The following TENM2 variants were observed in gnomAD, a reference collection of about 807,000 sequenced individuals.
TENM2 encodes teneurin transmembrane protein 2.
In TENM2, 52 loss-of-function variants were observed where a neutral mutation model predicts 245.2. That is an observed-to-expected ratio of 0.21 (90% CI 0.17 to 0.27). TENM2 has a LOEUF of 0.27. Among genes scored for constraint, TENM2 ranks in the 10% least tolerant of loss-of-function variants. The pLI, the probability that TENM2 is intolerant of heterozygous loss-of-function variation, is 1.00. For missense variants in TENM2, 3,046 were observed against 3,666.8 expected (o/e 0.83, Z 4.37); for synonymous variants, 1,363 against 1,438.9 (o/e 0.95, Z 1.19).
intron 2 of TENM2, among the ~76,000 whole-genome samples, chr5:167,668,214 C>T (rs1349908368): frequency 6.6e-6 from 1 of 152,116 alleles, no homozygotes; most frequent in Non-Finnish European, 1.5e-5. Context: ...AGTTCAAGGT[C>T]ACTGAAGAAA....
chr5:167,131,338 CAGGCCTTTGGCAA>C, the TENM2 span, among the ~76,000 whole-genome samples: 2 of 152,122 alleles, frequency 1.3e-5, no homozygotes, highest in Non-Finnish European at 2.9e-5. Context: ...TAATATGTGC[CAGGCCTTTGGCAA>C]AGTGTTTCCC....
intron 12 of TENM2, among the ~76,000 whole-genome samples, chr5:168,136,613 C>T (rs1342980389): frequency 6.6e-6 from 1 of 152,190 alleles, no homozygotes; most frequent in African/African-American, 2.4e-5. Context: ...GACAAACCTT[C>T]ACTTTTTGCC....
At chr5:167,694,005 G>C (rs1192070750) in intron 2 of TENM2, among the ~76,000 whole-genome samples, 1 of 152,166 alleles carries the variant, frequency 6.6e-6, no homozygotes, top group Non-Finnish European at 1.5e-5. Flanking sequence ...TTGATTGAAT[G>C]CACTTTTCAC....
chr5:167,706,947 G>A (rs1247162983), intron 2 of TENM2, among the ~76,000 whole-genome samples: 3 of 149,724 alleles, frequency 2.0e-5, no homozygotes, highest in African/African-American at 7.4e-5. Flanking sequence ...CCCGGGAGGC[G>A]GAGCTTGCAG....
At chr5:167,156,400 C>A in the TENM2 span, among the ~76,000 whole-genome samples, 1 of 152,156 alleles carries the variant, frequency 6.6e-6, no homozygotes, top group Non-Finnish European at 1.5e-5. Context: ...TCACCTTAAC[C>A]ACACAGGATG....
intron 2 of TENM2, among the ~76,000 whole-genome samples, chr5:167,383,709 A>G (rs571494875): frequency 7.2e-6 from 1 of 139,356 alleles, no homozygotes; most frequent in East Asian, 2.1e-4. Flanking sequence ...TTTGAGCATC[A>G]TGATAAACTG....
chr5:168,216,397 A>G (rs1763201866), intron 21 of TENM2, among the ~76,000 whole-genome samples: 1 of 152,234 alleles, frequency 6.6e-6, no homozygotes, highest in Admixed American at 6.5e-5. Flanking sequence ...GTAACTTACT[A>G]CTAATAATGT....
chr5:167,036,606 A>T, the TENM2 span, among the ~76,000 whole-genome samples: 1 of 151,872 alleles, frequency 6.6e-6, no homozygotes, highest in African/African-American at 2.4e-5. Flanking sequence ...AGATGCAAAT[A>T]CTCCCCTCAC....
intron 7 of TENM2, among the ~76,000 whole-genome samples, chr5:168,082,718 C>T (rs1581247875): frequency 6.6e-6 from 1 of 152,238 alleles, no homozygotes; most frequent in Non-Finnish European, 1.5e-5. Flanking sequence ...TGGAGATCCA[C>T]TCCAGACCCT....
the TENM2 span, among the ~76,000 whole-genome samples, chr5:167,195,343 A>G: frequency 2.0e-5 from 3 of 152,192 alleles, no homozygotes; most frequent in African/African-American, 7.2e-5. Context: ...ACCTAAGGGA[A>G]TGGTTCTTTC....
Position 167,538,291 on chromosome 5 carries a change from A to C in TENM2, c.502+162818A>C, listed in dbSNP as rs372090080. On this transcript the variant is annotated intron_variant, in intron 2 of 28. Coordinates refer to ENST00000518659, the Ensembl canonical transcript of TENM2. ...ATACTTATCCTCTATTTTTGAAATG[A>C]GGTTCAGAATTCAGCTGGAATTACA... Among the ~76,000 whole-genome samples, 13 of 152,238 alleles carry C rather than the reference A, an allele frequency of 8.5e-5. No individual in the cohort carries two copies. The East Asian group carries it at 1.9e-3, about 23-fold the overall frequency.
At chr5:167,502,547 G>T (rs757805245) in intron 2 of TENM2, among the ~76,000 whole-genome samples, 2 of 152,082 alleles carry the variant, frequency 1.3e-5, no homozygotes, top group Non-Finnish European at 2.9e-5. Context: ...TCAAATCTGT[G>T]TTGAGCTCCT....
At chr5:168,151,595 C>T (rs372041596) in intron 12 of TENM2, among the ~76,000 whole-genome samples, 1 of 152,222 alleles carries the variant, frequency 6.6e-6, no homozygotes, top group African/African-American at 2.4e-5. Flanking sequence ...AATTGAAGAG[C>T]TTATGATTTT....
At chr5:168,191,993 AAAAAT>A (rs1761005925) in intron 14 of TENM2, among the ~76,000 whole-genome samples, 1 of 152,184 alleles carries the variant, frequency 6.6e-6, no homozygotes, top group African/African-American at 2.4e-5. Flanking sequence ...CGTTTTTACT[AAAAAT>A]AAAATAGAAA....
the TENM2 span, among the ~76,000 whole-genome samples, chr5:167,034,843 G>C: frequency 6.6e-6 from 1 of 152,086 alleles, no homozygotes; most frequent in East Asian, 1.9e-4. Flanking sequence ...GCTACAGTGA[G>C]GATTAGTACT....
intron 5 of TENM2, among the ~76,000 whole-genome samples, chr5:168,041,490 G>A (rs1484504224): frequency 2.0e-5 from 3 of 152,140 alleles, no homozygotes; most frequent in Non-Finnish European, 4.4e-5. Context: ...CCAGACGTCA[G>A]CATAAACTGC....
intron 1 of TENM2, among the ~76,000 whole-genome samples, chr5:167,370,133 G>A (rs1760316988): frequency 6.6e-6 from 1 of 152,086 alleles, no homozygotes; most frequent in Non-Finnish European, 1.5e-5. Flanking sequence ...ACGAGGTCAG[G>A]AGATCGAGAC....
the TENM2 span, among the ~76,000 whole-genome samples, chr5:167,092,549 G>T: frequency 2.0e-5 from 3 of 152,126 alleles, no homozygotes; most frequent in African/African-American, 7.2e-5. Flanking sequence ...TTGGGCCACG[G>T]ATTATGCTAC....
At chr5:167,617,537 A>G (rs770097496) in intron 2 of TENM2, among the ~76,000 whole-genome samples, 3 of 152,160 alleles carry the variant, frequency 2.0e-5, no homozygotes, top group African/African-American at 7.2e-5. Context: ...TTTGATCTAC[A>G]TTAAATTAAT....
Sources: allele counts gnomAD v4.1 joint callset (sites outside exome capture counted in the v4.1 genomes callset), GRCh38; gene constraint gnomAD v4.1.1; transcripts MANE v1.5; gene names NCBI Gene and HGNC (gene_info 2026-07-23, HGNC 2026-07-21).